CLASP1: variants seen among roughly 807,000 people sequenced by gnomAD.
The protein encoded by CLASP1 is CLIP-associating protein 1.
A neutral mutation model predicts 192.3 loss-of-function variants in CLASP1; 38 were observed. That is an observed-to-expected ratio of 0.20 (90% CI 0.15 to 0.26). The LOEUF is 0.26. Among genes scored for constraint, CLASP1 ranks in the 10% least tolerant of loss-of-function variants. The probability of loss-of-function intolerance (pLI) is 1.00; values close to 1 mark genes in which losing one functional copy is unlikely to be tolerated. For missense variants in CLASP1, 1,433 were observed against 1,932.5 expected (o/e 0.74, Z 4.85); for synonymous variants, 691 against 712.8 (o/e 0.97, Z 0.49).
rs972064269 is a variant in CLASP1, at chr2:121,377,490, G to A, written c.3642+9C>T. ...ATACAGAGTTCTCTTTTAGCCTAGG[G>A]ATACTTACAATATCACACTCCTTTT... On this transcript the variant is annotated intron_variant, in intron 34 of 39. Transcript: ENST00000263710. The A allele has an allele frequency of 6.3e-7, 1 of 1,597,176 alleles. No individual in the cohort carries two copies. The highest frequency in any genetic ancestry group is 8.5e-7 in the Non-Finnish European group (1 of 1,170,196).
At chr2:121,339,496 A>G (rs1209918770) in exon 40 of CLASP1, 1 of 152,238 alleles carries the variant, frequency 6.6e-6, no homozygotes, top group African/African-American at 2.4e-5. Flanking sequence ...TCATGATTGC[A>G]TTAAGAATTT....
intron 2 of CLASP1, among the ~76,000 whole-genome samples, chr2:121,574,906 GC>G (rs1372535343): frequency 6.6e-6 from 1 of 151,430 alleles, no homozygotes; most frequent in African/African-American, 2.4e-5. Context: ...TCGTGCCACT[GC>G]ACTCCAACTT....
chr2:121,343,262 G>A (rs1397203482), intron 39 of CLASP1, among the ~76,000 whole-genome samples: 2 of 152,188 alleles, frequency 1.3e-5, no homozygotes, highest in African/African-American at 2.4e-5. Flanking sequence ...TGAGGATGTG[G>A]GGAAATTAGA....
rs535550641 is a variant in CLASP1 at position 121,344,070 on chromosome 2, C to CA, written c.4530+2967dup. Among the ~76,000 whole-genome samples the CA allele has an allele frequency of 4.4e-4, 64 of 146,344 alleles. 1 individual carries two copies. The South Asian group carries it at 4.6e-3, about 10-fold the overall frequency. ...TGGGTGACAGAGTGAGACTCTATCT[C>CA]AAAAAAAAACAGTTACAATGGTAAA... is the stretch of plus-strand genomic sequence containing the variant. On this transcript the variant is annotated intron_variant, in intron 39 of 39. Transcript: ENST00000263710.
intron 6 of CLASP1, among the ~76,000 whole-genome samples, chr2:121,516,503 C>T (rs962907979): frequency 6.6e-6 from 1 of 152,148 alleles, no homozygotes; most frequent in Non-Finnish European, 1.5e-5. Flanking sequence ...AGAGGAAGTA[C>T]GCCGGTCTGG....
intron 23 of CLASP1, among the ~76,000 whole-genome samples, chr2:121,417,104 C>T (rs1327924736): frequency 6.6e-6 from 1 of 152,210 alleles, no homozygotes; most frequent in African/African-American, 2.4e-5. Flanking sequence ...GTGGCAATTA[C>T]ACATTTCAAC....
chr2:121,398,298 T>G, intron 29 of CLASP1, 24 bp downstream of exon 30: 1 of 1,540,594 alleles, frequency 6.5e-7, no homozygotes, highest in Non-Finnish European at 8.9e-7. Flanking sequence ...CAGGGTTGAA[T>G]TGTAATGACA....
chr2:121,513,112 G>C (rs1041227719), intron 7 of CLASP1: 29 of 152,308 alleles, frequency 1.9e-4, no homozygotes, highest in Admixed American at 1.6e-3. Flanking sequence ...TTCCATTTGG[G>C]CACAAAAACA....
chr2:121,569,025 C>T (rs1022264766), intron 2 of CLASP1, among the ~76,000 whole-genome samples: 1 of 151,930 alleles, frequency 6.6e-6, no homozygotes, highest in Non-Finnish European at 1.5e-5. Context: ...TATAAATGTT[C>T]AATCCCTCAT....
At chr2:121,386,124 C>G (rs1174274729) in intron 32 of CLASP1, among the ~76,000 whole-genome samples, 1 of 152,124 alleles carries the variant, frequency 6.6e-6, no homozygotes, top group Non-Finnish European at 1.5e-5. Context: ...TGGAAACCTT[C>G]AGTGATAAGG....
chr2:121,483,382 T>TA (rs1482396484), intron 8 of CLASP1, among the ~76,000 whole-genome samples: 2 of 152,108 alleles, frequency 1.3e-5, no homozygotes, highest in East Asian at 3.8e-4. Flanking sequence ...AATAAGTTCT[T>TA]ACTTTAGGAA....
At chr2:121,360,449 G>C (rs1357851957) in intron 37 of CLASP1, among the ~76,000 whole-genome samples, 1 of 152,134 alleles carries the variant, frequency 6.6e-6, no homozygotes, top group Non-Finnish European at 1.5e-5. Flanking sequence ...GGAAGGACTA[G>C]AGAACTATTA....
chr2:121,428,490 T>A (rs987655757), intron 20 of CLASP1, among the ~76,000 whole-genome samples: 1 of 152,198 alleles, frequency 6.6e-6, no homozygotes, highest in East Asian at 1.9e-4. Flanking sequence ...ATTTGACCCA[T>A]ATGTATGAGT....
chr2:121,464,617 T>C (rs937372316), intron 9 of CLASP1, among the ~76,000 whole-genome samples: 1 of 152,248 alleles, frequency 6.6e-6, no homozygotes, highest in African/African-American at 2.4e-5. Flanking sequence ...CATTTTTTCA[T>C]GTGTTTTTTT....
intron 1 of CLASP1, among the ~76,000 whole-genome samples, chr2:121,607,793 T>C (rs2064644912): frequency 6.6e-6 from 1 of 152,214 alleles, no homozygotes; most frequent in Admixed American, 6.5e-5. Flanking sequence ...ACTCACAGTC[T>C]GAACACAGCA....
intron 22 of CLASP1, among the ~76,000 whole-genome samples, chr2:121,424,027 C>G (rs1222429270): frequency 2.0e-5 from 3 of 152,148 alleles, no homozygotes; most frequent in Non-Finnish European, 4.4e-5. Context: ...AGATGCTTCT[C>G]TCTCCTCTAG....
chr2:121,370,322 G>A (rs138237759), intron 34 of CLASP1, among the ~76,000 whole-genome samples: 2 of 151,998 alleles, frequency 1.3e-5, no homozygotes, highest in Non-Finnish European at 2.9e-5. Flanking sequence ...TCCATTCTTC[G>A]ATTTTCTTTC....
At chr2:121,339,368 C>G (rs1202962284) in exon 40 of CLASP1, 1 of 152,180 alleles carries the variant, frequency 6.6e-6, no homozygotes, top group Non-Finnish European at 1.5e-5. Context: ...TTGCAGTGGG[C>G]TCTGCACTGC....
chr2:121,504,758 C>T (rs12053277), intron 7 of CLASP1, among the ~76,000 whole-genome samples: 5,848 of 152,282 alleles, frequency 0.038, 157 homozygotes, highest in East Asian at 0.14. Context: ...TCCCCCCATT[C>T]CATAGGAGAC....
Sources: allele counts gnomAD v4.1 joint callset (sites outside exome capture counted in the v4.1 genomes callset), GRCh38; gene constraint gnomAD v4.1.1; transcripts MANE v1.5; gene names NCBI Gene and HGNC (gene_info 2026-07-23, HGNC 2026-07-21).